Variants in ATP8A2 observed in about 807,000 individuals in gnomAD.
The protein encoded by ATP8A2 is phospholipid-transporting ATPase IB.
Under a neutral mutation model 165.6 loss-of-function variants are expected in ATP8A2, and 100 were observed. The ratio of observed to expected loss-of-function variants is 0.60; its 90% CI spans 0.51 to 0.71. ATP8A2 has a LOEUF of 0.71. ATP8A2 is among the 30% of genes least tolerant of loss of function. The pLI is 0.00. For missense variants in ATP8A2, 1,227 were observed against 1,479.5 expected, an observed-to-expected ratio of 0.83 and a Z score of 2.80; for synonymous variants, 543 against 548.8, an observed-to-expected ratio of 0.99 and a Z score of 0.15.
chr13:25,804,345 A>G lies in ATP8A2; in HGVS notation c.2680-23773A>G, dbSNP rs556682311. 6.6e-5 allele frequency among the ~76,000 whole-genome samples: 10 copies of G among 152,276 alleles called. No individual in the cohort carries two copies. In the South Asian group the frequency reaches 1.7e-3, roughly 25 times the overall value. On this transcript the variant is annotated intron_variant, in intron 27 of 36. Coordinates refer to ENST00000381655, the MANE Select transcript of ATP8A2 (RefSeq NM_016529.6). ...AAGTGGTGCCTGTTTAAAAAGCTATAAGATTTAGAAGCCTCTCCGCTCTGA... is the reference window on the plus strand; with the variant it reads ...AAGTGGTGCCTGTTTAAAAAGCTATGAGATTTAGAAGCCTCTCCGCTCTGA...
In ATP8A2 at chr13:25,986,056, C is replaced by CT. The variant is rs574627496; in HGVS notation, c.3377+17386dup. ...CACTAACCCACTGAGGACTGTCATT[C>CT]TTTTTTTTTCTCTTCAGCTTCATTG... is the stretch of plus-strand genomic sequence containing the variant. On this transcript the variant is annotated intron_variant, in intron 35 of 36. Transcript: ENST00000381655. Among the ~76,000 whole-genome samples the CT allele has an allele frequency of 6.5e-3, 985 of 151,768 alleles. 5 individuals are homozygous for CT. Among genetic ancestry groups the CT allele is most frequent in the Middle Eastern group, 0.027 (8 of 294 alleles).
At chr13:25,779,415 G>T (rs1312815892) in intron 27 of ATP8A2, among the ~76,000 whole-genome samples, 2 of 151,864 alleles carry the variant, frequency 1.3e-5, no homozygotes, top group Non-Finnish European at 2.9e-5. Context: ...TGGGGCAGGG[G>T]GGCGGTGTGT....
At chr13:25,995,154 G>A (rs575516595) in intron 35 of ATP8A2, among the ~76,000 whole-genome samples, 9 of 151,594 alleles carry the variant, frequency 5.9e-5, no homozygotes, top group African/African-American at 2.2e-4. Flanking sequence ...TTTGATATTT[G>A]CAAGGTTTGA....
intron 33 of ATP8A2, among the ~76,000 whole-genome samples, chr13:25,916,898 T>G (rs898250876): frequency 2.6e-5 from 4 of 152,220 alleles, no homozygotes; most frequent in Admixed American, 2.6e-4. Context: ...CTTATTACCT[T>G]GAGACTTGAA....
chr13:25,470,618 G>T (rs2035816590), intron 2 of ATP8A2, among the ~76,000 whole-genome samples: 1 of 152,134 alleles, frequency 6.6e-6, no homozygotes, highest in African/African-American at 2.4e-5. Context: ...TAATCTGCCC[G>T]AGAGAAATGA....
chr13:25,843,087 C>T (rs1398557485), intron 30 of ATP8A2, among the ~76,000 whole-genome samples: 1 of 152,142 alleles, frequency 6.6e-6, no homozygotes, highest in Admixed American at 6.5e-5. Context: ...TAGATATCAG[C>T]AAGCCAGGCA....
At chr13:25,556,617 A>G (rs1422586499) in intron 13 of ATP8A2, among the ~76,000 whole-genome samples, 2 of 152,108 alleles carry the variant, frequency 1.3e-5, no homozygotes, top group Non-Finnish European at 2.9e-5. Context: ...TCTTTAGTTT[A>G]ATTAGGTCCT....
chr13:25,793,958 A>G (rs1411644508), intron 27 of ATP8A2, among the ~76,000 whole-genome samples: 1 of 152,212 alleles, frequency 6.6e-6, no homozygotes, highest in Admixed American at 6.5e-5. Context: ...AAGGCCCTGG[A>G]GAATGGTTTA....
At chr13:25,970,196 T>C (rs1016477128) in intron 35 of ATP8A2, among the ~76,000 whole-genome samples, 1 of 152,252 alleles carries the variant, frequency 6.6e-6, no homozygotes, top group Non-Finnish European at 1.5e-5. Flanking sequence ...GGGGCATAAG[T>C]AATTTCTAAG....
intron 33 of ATP8A2, among the ~76,000 whole-genome samples, chr13:25,958,426 G>A (rs968134025): frequency 2.0e-5 from 3 of 152,180 alleles, no homozygotes; most frequent in South Asian, 2.1e-4. Flanking sequence ...CTGATCCGCA[G>A]GTGCATGGGT....
intron 24 of ATP8A2, among the ~76,000 whole-genome samples, chr13:25,669,245 G>T (rs577951332): frequency 6.6e-6 from 1 of 152,136 alleles, no homozygotes; most frequent in East Asian, 1.9e-4. Context: ...TTTTCCAAAG[G>T]TTGCATTCTT....
intron 30 of ATP8A2, among the ~76,000 whole-genome samples, chr13:25,844,775 T>A (rs1011864061): frequency 6.6e-6 from 1 of 151,712 alleles, no homozygotes; most frequent in African/African-American, 2.4e-5. Context: ...GTCCCTAGAG[T>A]AGTTTCATTT....
chr13:25,754,402 G>GA (rs1208712025), intron 25 of ATP8A2, among the ~76,000 whole-genome samples: 2 of 149,138 alleles, frequency 1.3e-5, no homozygotes, highest in East Asian at 2.0e-4. Context: ...ATTTCAAATG[G>GA]AAAAAAAAGT....
chr13:25,709,105 G>T (rs1189082632), intron 25 of ATP8A2, among the ~76,000 whole-genome samples: 1 of 152,056 alleles, frequency 6.6e-6, no homozygotes. Flanking sequence ...CTGTAAGTGA[G>T]AGAGGCAGAC....
At chr13:25,693,353 C>T (rs1041976643) in intron 24 of ATP8A2, among the ~76,000 whole-genome samples, 1 of 152,104 alleles carries the variant, frequency 6.6e-6, no homozygotes, top group Admixed American at 6.5e-5. Context: ...GAACCCAGCT[C>T]GTCTGGGTTT....
intron 1 of ATP8A2, among the ~76,000 whole-genome samples, chr13:25,395,897 G>T (rs1259378575): frequency 1.3e-5 from 2 of 151,908 alleles, no homozygotes; most frequent in Admixed American, 1.3e-4. Context: ...AGGCTGGAGT[G>T]CAGTGGCGCA....
intron 2 of ATP8A2, among the ~76,000 whole-genome samples, chr13:25,501,440 A>C (rs2036850445): frequency 6.6e-6 from 1 of 152,196 alleles, no homozygotes; most frequent in Non-Finnish European, 1.5e-5. Context: ...TGATCAGGGC[A>C]GGCTTGATGA....
Position 25,531,262 on chromosome 13 carries a change from G to GTT in ATP8A2, c.420+602_420+603insTT, listed in dbSNP as rs1566229184. ...TATATATGTTATATATGATATATATGATATATATGATATATATGTTATATA... is the reference window on the plus strand; with the variant it reads ...TATATATGTTATATATGATATATATGTTATATATATGATATATATGTTATATA... On this transcript the variant is annotated intron_variant, in intron 4 of 36. Transcript: ENST00000381655. 4.1e-4 allele frequency among the ~76,000 whole-genome samples: 36 copies of GTT among 86,990 alleles called. 3 individuals carry two copies. The highest frequency in any genetic ancestry group is 7.2e-4 in the African/African-American group (15 of 20,904). 57.1% of individuals were successfully genotyped at this position (86,990 alleles called of 152,430 possible). A position where few individuals can be genotyped will look rare whatever the true frequency, so the allele number is the denominator to read the frequency against.
intron 25 of ATP8A2, among the ~76,000 whole-genome samples, chr13:25,721,541 C>T (rs887897536): frequency 3.3e-5 from 5 of 152,122 alleles, no homozygotes; most frequent in East Asian, 3.9e-4. Context: ...GAGATAGGCC[C>T]GAGTATGTAC....
Sources: allele counts gnomAD v4.1 joint callset (sites outside exome capture counted in the v4.1 genomes callset), GRCh38; gene constraint gnomAD v4.1.1; transcripts MANE v1.5; gene names NCBI Gene and HGNC (gene_info 2026-07-23, HGNC 2026-07-21).